CACNA1A: variants seen among roughly 807,000 people sequenced by gnomAD.
The protein encoded by CACNA1A is voltage-dependent P/Q-type calcium channel subunit alpha-1A.
Under a neutral mutation model 262.4 loss-of-function variants are expected in CACNA1A, and 57 were observed. The observed-to-expected ratio is 0.22, with a 90% confidence interval of 0.18 to 0.27. The LOEUF (loss-of-function observed/expected upper bound fraction) is 0.27, where lower values mean the gene tolerates loss of function less well. CACNA1A is among the 10% of genes least tolerant of loss of function. The probability of loss-of-function intolerance (pLI) is 1.00; values close to 1 mark genes in which losing one functional copy is unlikely to be tolerated. For missense variants in CACNA1A, 2,526 were observed against 3,562.8 expected, an observed-to-expected ratio of 0.71 and a Z score of 7.41; for synonymous variants, 1,431 against 1,419.3, an observed-to-expected ratio of 1.01 and a Z score of -0.18.
chr19:13,407,117 T>C (rs1371885192), intron 3 of CACNA1A, among the ~76,000 whole-genome samples: 1 of 152,186 alleles, frequency 6.6e-6, no homozygotes, highest in East Asian at 1.9e-4. Context: ...GTAAAATATT[T>C]TGCTCTCCTG....
intron 1 of CACNA1A, among the ~76,000 whole-genome samples, chr19:13,495,292 A>ATATT (rs945159817): frequency 1.6e-4 from 25 of 151,972 alleles, no homozygotes; most frequent in African/African-American, 6.0e-4. Context: ...TAAGCATATA[A>ATATT]TATTTATTTA....
intron 34 of CACNA1A, among the ~76,000 whole-genome samples, chr19:13,234,121 G>A (rs960831016): frequency 6.0e-5 from 9 of 150,482 alleles, no homozygotes; most frequent in South Asian, 2.1e-4. Flanking sequence ...AGGCCGAGGC[G>A]GGCGGATCAC....
At chr19:13,261,810 G>A (rs974412922) in intron 25 of CACNA1A, 200 bp from the exon 26 acceptor site, 6 of 561,646 alleles carry the variant, frequency 1.1e-5, no homozygotes, top group African/African-American at 1.9e-5. Flanking sequence ...GGCATTCTAT[G>A]GATCTAAAAC....
rs539628579 is a variant in CACNA1A at position 13,420,121 on chromosome 19, T to TA, written c.539+32754dup. Reference sequence around the variant, plus strand: ...ATAAATTAAAAAATAGAGAAATGATTAAAAAAGAGACTGCTGTTGACTTTG... The same window carrying TA: ...ATAAATTAAAAAATAGAGAAATGATTAAAAAAAGAGACTGCTGTTGACTTTG... On this transcript the variant is annotated intron_variant, in intron 3 of 46. Coordinates refer to ENST00000360228, the MANE Select transcript of CACNA1A (RefSeq NM_001127222.2). Among the ~76,000 whole-genome samples the TA allele has an allele frequency of 3.8e-3, 575 of 151,570 alleles. 6 individuals are homozygous for TA. The highest frequency in any genetic ancestry group is 0.013 in the African/African-American group (542 of 41,346).
At chr19:13,340,160 T>C (rs368254932) in intron 6 of CACNA1A, among the ~76,000 whole-genome samples, 1,529 of 51,258 alleles carry the variant, frequency 0.03, 22 homozygotes, top group African/African-American at 0.14. Context: ...GGGACAGGAC[T>C]GAAAGGGAAA....
chr19:13,492,225 C>A (rs1177484969), intron 1 of CACNA1A, among the ~76,000 whole-genome samples: 1 of 152,282 alleles, frequency 6.6e-6, no homozygotes, highest in East Asian at 1.9e-4. Flanking sequence ...GAAACTTGCT[C>A]AATCCCTCAA....
At position 13,320,438 on chromosome 19, in the gene CACNA1A, T is replaced by C. The variant is rs751764211; in HGVS notation, c.1346-3117A>G. On this transcript the variant is annotated intron_variant, in intron 10 of 46. Transcript: ENST00000360228. The stretch of plus-strand genomic sequence containing the variant: ...GGGCCATCCAAAGGCATAAATGAAT[T>C]AATACATCTTAGCGTGATGCTAAGT... Among the ~76,000 whole-genome samples, 16 of 152,268 alleles carry C rather than the reference T, an allele frequency of 1.1e-4. No individual in the cohort carries two copies. In the South Asian group the frequency reaches 1.9e-3, roughly 18 times the overall value.
intron 3 of CACNA1A, among the ~76,000 whole-genome samples, chr19:13,391,901 G>T (rs1032831885): frequency 1.3e-5 from 2 of 151,924 alleles, no homozygotes; most frequent in Non-Finnish European, 2.9e-5. Flanking sequence ...GCCAGGCATG[G>T]TGGCTTGTGC....
chr19:13,344,864 TG>T (rs2058736574), intron 6 of CACNA1A, among the ~76,000 whole-genome samples: 1 of 152,018 alleles, frequency 6.6e-6, no homozygotes, highest in South Asian at 2.1e-4. Context: ...AAGTGATTCT[TG>T]TGCCTCGGCC....
chr19:13,415,180 GGATGGAAGATCCTGTCTTCCTCC>G (rs2060199086), intron 3 of CACNA1A, among the ~76,000 whole-genome samples: 1 of 152,004 alleles, frequency 6.6e-6, no homozygotes, highest in Non-Finnish European at 1.5e-5. Context: ...AGGATTTGGG[GGATGGAAGATCCTGTCTTCCTCC>G]GAGACAGAGA....
At chr19:13,415,403 G>A (rs1438501848) in intron 3 of CACNA1A, among the ~76,000 whole-genome samples, 1 of 152,054 alleles carries the variant, frequency 6.6e-6, no homozygotes, top group African/African-American at 2.4e-5. Flanking sequence ...AGACTGAGAG[G>A]ATGTTCCTCC....
At chr19:13,325,098 CTCTTCTTCTTCCCCTTCCCCTTCCCA>C (rs2058333470) in intron 10 of CACNA1A, among the ~76,000 whole-genome samples, 1 of 145,134 alleles carries the variant, frequency 6.9e-6, no homozygotes, top group African/African-American at 2.5e-5. Flanking sequence ...CCCCTTCCTC[CTCTTCTTCTTCCCCTTCCCCTTCCCA>C]TTCCTCCTCC....
intron 3 of CACNA1A, among the ~76,000 whole-genome samples, chr19:13,389,624 C>T (rs1307385192): frequency 6.6e-6 from 1 of 151,998 alleles, no homozygotes. Context: ...CTTTCATTTC[C>T]ATCTTTCTGG....
chr19:13,453,126 C>A, intron 2 of CACNA1A, 111 bp from the exon 3 acceptor site: 1 of 1,079,380 alleles, frequency 9.3e-7, no homozygotes, highest in Non-Finnish European at 1.4e-6. Context: ...CTTCCCCTGA[C>A]CCTCCTGCAC....
intron 19 of CACNA1A, among the ~76,000 whole-genome samples, chr19:13,289,522 T>C (rs2144903017): frequency 1.3e-5 from 2 of 152,284 alleles, no homozygotes; most frequent in Middle Eastern, 6.8e-3. Flanking sequence ...TCCCACATTT[T>C]AAAATTTGGG....
In CACNA1A at chr19:13,241,380, A is replaced by G; in HGVS notation, c.4950+3802T>C. The G allele has an allele frequency of 1.4e-6, 1 of 700,588 alleles. No homozygotes were observed. The highest frequency in any genetic ancestry group is 2.7e-5 in the East Asian group (1 of 36,790). The allele number at this position is 700,588 out of a possible 1,614,324, so 43.4% of individuals were successfully genotyped here. A position where few individuals can be genotyped will look rare whatever the true frequency, so the allele number is the denominator to read the frequency against. On this transcript the variant is annotated intron_variant, in intron 31 of 46. Transcript: ENST00000360228. This position sits in a 1 kb window ranked among gnomAD's most constrained non-coding sequence, Gnocchi z 4.0. ...AGGGGCTGGGGGCGGGAGGACAGAC[A>G]GACAGAGGAGAGCGGAGGGTTGAGG...
intron 3 of CACNA1A, among the ~76,000 whole-genome samples, chr19:13,388,073 G>A (rs1297428966): frequency 6.6e-6 from 1 of 151,866 alleles, no homozygotes; most frequent in Non-Finnish European, 1.5e-5. Flanking sequence ...TAAAGTACCT[G>A]CCTCTTACAG....
intron 1 of CACNA1A, among the ~76,000 whole-genome samples, chr19:13,462,822 C>T (rs7251376): frequency 2.0e-5 from 3 of 152,100 alleles, no homozygotes; most frequent in African/African-American, 7.2e-5. Context: ...TACAGTGGCA[C>T]GATCACAGCT....
chr19:13,236,900 G>A lies in CACNA1A; in HGVS notation c.4951-1170C>T, dbSNP rs1024411885. On this transcript the variant is annotated intron_variant, in intron 31 of 46. Coordinates refer to ENST00000360228, the MANE Select transcript of CACNA1A (RefSeq NM_001127222.2). The surrounding 1 kb of genome is among the most constrained non-coding windows in gnomAD (Gnocchi z 4.6). ...TGTGGGGCTTCAAGGGACCTTGGTG[G>A]GGGGGGTGGGACTCTCGAAGTCACG... 1.1e-4 allele frequency among the ~76,000 whole-genome samples: 17 copies of A among 152,110 alleles called. No homozygotes were observed. Among genetic ancestry groups the A allele is most frequent in the Admixed American group, 9.2e-4 (14 of 15,270 alleles).
Sources: gnomAD v4.1 joint callset for allele counts (sites outside exome capture counted in the v4.1 genomes callset) on GRCh38, gnomAD v4.1.1 for gene constraint, Gnocchi (gnomAD v3.1) non-coding constraint, MANE v1.5 for transcripts, NCBI Gene and HGNC (gene_info 2026-07-23, HGNC 2026-07-21) for gene names.